Variants in NDFIP1 observed in about 807,000 individuals in gnomAD.
NDFIP1 encodes Nedd4 family interacting protein 1, also known as NEDD4 family-interacting protein 1.
NDFIP1 carries 7 observed loss-of-function variants against 28.8 expected under a neutral mutation model. The ratio of observed to expected loss-of-function variants is 0.24; its 90% CI spans 0.14 to 0.46. The LOEUF (loss-of-function observed/expected upper bound fraction) is 0.46, where lower values mean the gene tolerates loss of function less well. NDFIP1 is among the 20% of genes least tolerant of loss of function. The pLI, the probability that NDFIP1 is intolerant of heterozygous loss-of-function variation, is 0.99. For synonymous variants in NDFIP1, 92 were observed against 101.0 expected, an observed-to-expected ratio of 0.91 and a Z score of 0.53; for missense variants, 194 against 269.1, an observed-to-expected ratio of 0.72 and a Z score of 1.95.
intron 5 of NDFIP1, 66 bp downstream of exon 5, chr5:142,137,924 C>T (rs775204889): frequency 6.9e-5 from 103 of 1,490,102 alleles, no homozygotes; most frequent in Admixed American, 1.1e-4. Context: ...TTTGAATATT[C>T]GATTTTTCAT....
At chr5:142,130,428 A>G (rs993219512) in intron 1 of NDFIP1, among the ~76,000 whole-genome samples, 1 of 152,198 alleles carries the variant, frequency 6.6e-6, no homozygotes, top group African/African-American at 2.4e-5. Flanking sequence ...AAGTGTCTCA[A>G]TTATTTAAGA....
At chr5:142,125,141 A>G (rs143792457) in intron 1 of NDFIP1, among the ~76,000 whole-genome samples, 11 of 152,228 alleles carry the variant, frequency 7.2e-5, no homozygotes, top group Non-Finnish European at 1.3e-4. Flanking sequence ...TTTAAGGTTC[A>G]TCCATATTTC....
intron 4 of NDFIP1, 28 bp downstream of exon 4, chr5:142,135,845 C>A: frequency 6.6e-7 from 1 of 1,505,348 alleles, no homozygotes; most frequent in Non-Finnish European, 9.2e-7. Flanking sequence ...TCAGAACCAC[C>A]CCCTACAAAC....
intron 3 of NDFIP1, among the ~76,000 whole-genome samples, chr5:142,133,201 T>G (rs527917720): frequency 1.3e-5 from 2 of 152,318 alleles, no homozygotes; most frequent in South Asian, 4.1e-4. Flanking sequence ...AATCATTGCT[T>G]GGTAGAAATA....
At chr5:142,118,902 T>C (rs541465691) in intron 1 of NDFIP1, among the ~76,000 whole-genome samples, 1 of 152,286 alleles carries the variant, frequency 6.6e-6, no homozygotes, top group Admixed American at 6.5e-5. Context: ...GGCACTAGGC[T>C]CATCTTATAT....
chr5:142,132,104 T>C, intron 2 of NDFIP1, 108 bp from the exon 3 acceptor site: 1 of 1,312,822 alleles, frequency 7.6e-7, no homozygotes, highest in Non-Finnish European at 1.0e-6. Flanking sequence ...AATTGTTATG[T>C]ATGTACTCTT....
intron 7 of NDFIP1, among the ~76,000 whole-genome samples, chr5:142,147,998 G>A (rs1757407854): frequency 6.6e-6 from 1 of 152,184 alleles, no homozygotes; most frequent in South Asian, 2.1e-4. Flanking sequence ...CTACTTCTTT[G>A]ATGGAGATGT....
At chr5:142,142,864 G>GC (rs2126922055) in intron 6 of NDFIP1, 1 of 139,800 alleles carries the variant, frequency 7.2e-6, no homozygotes, top group East Asian at 2.2e-4. Flanking sequence ...GTTGCGGTGA[G>GC]CTGAGATCGT....
rs35952555 is a variant in NDFIP1, at chr5:142,126,990, G to GA, written c.64-4809dup. On this transcript the variant is annotated intron_variant, in intron 1 of 7. Transcript: ENST00000253814. Reference sequence around the variant, plus strand: ...GATACAGAGGAAGGTGATAAGGAGGGAAAAAAAAACGCTCTATTTTATTTT... The same window carrying GA: ...GATACAGAGGAAGGTGATAAGGAGGGAAAAAAAAAACGCTCTATTTTATTTT... Among the ~76,000 whole-genome samples the GA allele has an allele frequency of 2.7e-3, 406 of 151,034 alleles. 2 individuals carry two copies. Among genetic ancestry groups the GA allele is most frequent in the African/African-American group, 9.2e-3 (379 of 41,194 alleles).
chr5:142,124,829 AT>A (rs61643712), intron 1 of NDFIP1, among the ~76,000 whole-genome samples: 96,987 of 145,680 alleles, frequency 0.67, 32,108 homozygotes, highest in African/African-American at 0.77. Context: ...CAACTTGAAG[AT>A]TTTTTTTTTT....
intron 1 of NDFIP1, among the ~76,000 whole-genome samples, chr5:142,128,779 G>T (rs1334122678): frequency 6.6e-6 from 1 of 152,170 alleles, no homozygotes; most frequent in Non-Finnish European, 1.5e-5. Context: ...CTAAAGTAGT[G>T]AATTTTAGTG....
intron 1 of NDFIP1, among the ~76,000 whole-genome samples, chr5:142,125,245 T>C (rs1757159428): frequency 1.3e-5 from 2 of 152,362 alleles, no homozygotes; most frequent in Non-Finnish European, 1.5e-5. Context: ...TTGATGAACA[T>C]TGTTGGCTAT....
At chr5:142,130,369 T>G (rs938995255) in intron 1 of NDFIP1, among the ~76,000 whole-genome samples, 3 of 152,250 alleles carry the variant, frequency 2.0e-5, no homozygotes, top group African/African-American at 7.2e-5. Flanking sequence ...GGAAAAGGGA[T>G]ATCTATTGAC....
intron 3 of NDFIP1, among the ~76,000 whole-genome samples, chr5:142,132,897 G>T (rs1030919770): frequency 9.9e-5 from 15 of 152,198 alleles, no homozygotes; most frequent in African/African-American, 3.4e-4. Context: ...GGGCACTCTT[G>T]GTTCTTGATG....
intron 1 of NDFIP1, among the ~76,000 whole-genome samples, chr5:142,118,349 A>T (rs1013943362): frequency 8.6e-5 from 13 of 151,954 alleles, no homozygotes; most frequent in African/African-American, 3.1e-4. Context: ...CTTGTTTTTG[A>T]TGAGCTTGAC....
intron 7 of NDFIP1, among the ~76,000 whole-genome samples, chr5:142,145,088 A>G (rs1757373965): frequency 6.6e-6 from 1 of 152,180 alleles, no homozygotes; most frequent in Non-Finnish European, 1.5e-5. Flanking sequence ...GAACCTGGAG[A>G]GACTGTGTAG....
At chr5:142,125,885 A>G (rs887192589) in intron 1 of NDFIP1, among the ~76,000 whole-genome samples, 1 of 152,164 alleles carries the variant, frequency 6.6e-6, no homozygotes, top group African/African-American at 2.4e-5. Context: ...TTTTGTGTCT[A>G]CTGGCCTTTT....
At chr5:142,123,561 C>T (rs1561599589) in intron 1 of NDFIP1, among the ~76,000 whole-genome samples, 1 of 152,054 alleles carries the variant, frequency 6.6e-6, no homozygotes, top group Non-Finnish European at 1.5e-5. Flanking sequence ...TTTGTGCTTC[C>T]ATGTTTCTAT....
At chr5:142,109,606 G>A (rs1449104816) in intron 1 of NDFIP1, among the ~76,000 whole-genome samples, 1 of 152,156 alleles carries the variant, frequency 6.6e-6, no homozygotes, top group Non-Finnish European at 1.5e-5. Flanking sequence ...TGGAAGAGGC[G>A]ATGTTTGGCT....
Sources: allele counts gnomAD v4.1 joint callset (sites outside exome capture counted in the v4.1 genomes callset), GRCh38; gene constraint gnomAD v4.1.1; transcripts MANE v1.5; gene names NCBI Gene and HGNC (gene_info 2026-07-23, HGNC 2026-07-21).